Variants in OTOGL observed in about 807,000 individuals in gnomAD.
OTOGL encodes otogelin-like protein.
OTOGL carries 285 observed loss-of-function variants against 318.5 expected under a neutral mutation model. The ratio of observed to expected loss-of-function variants is 0.89; its 90% confidence interval spans 0.81 to 0.99. OTOGL has a LOEUF of 0.99. OTOGL is among the 50% of genes least tolerant of loss of function. OTOGL has a pLI of 0.00. For synonymous variants in OTOGL, 987 were observed against 936.5 expected (o/e 1.05, Z -0.99); for missense variants, 2,899 against 2,845.6 (o/e 1.02, Z -0.43).
chr12:80,101,353 CT>C lies in OTOGL; in HGVS notation c.-20+1750del, dbSNP rs766100162. ...TTTAGTACAAAGAATTTTAAATGCT[CT>C]TAATATTTGAGTGTAAGAATTAAGG... On this transcript the variant is annotated intron_variant, in intron 1 of 58. Transcript: ENST00000547103. Among the ~76,000 whole-genome samples the C allele has an allele frequency of 3.9e-4, 60 of 152,220 alleles. 1 individual carries two copies. The highest frequency in any genetic ancestry group is 6.8e-3 in the Middle Eastern group (2 of 294).
At chr12:80,150,583 G>A (rs1385930505) in intron 1 of OTOGL, among the ~76,000 whole-genome samples, 1 of 149,760 alleles carries the variant, frequency 6.7e-6, no homozygotes, top group African/African-American at 2.6e-5. Flanking sequence ...AAGACCTGCA[G>A]CCTTGTTAGT....
intron 1 of OTOGL, chr12:80,132,037 T>C (rs1871271222): frequency 6.6e-6 from 1 of 152,232 alleles, no homozygotes. Flanking sequence ...GGAATGTACA[T>C]TCTCTGCCCC....
Position 80,379,497 on chromosome 12 carries a change from G to C in OTOGL, c.*1449G>C, listed in dbSNP as rs999846676. The C allele has an allele frequency of 6.6e-6, 1 of 151,742 alleles. No individual in the cohort carries two copies. The highest frequency in any genetic ancestry group is 1.5e-5 in the Non-Finnish European group (1 of 67,846). The allele number at this position is 151,742 out of a possible 1,614,324, so 9.4% of individuals were successfully genotyped here. A position where few individuals can be genotyped will look rare whatever the true frequency, so the allele number is the denominator to read the frequency against. ...GCAAATCCCAGTGTTTACTGTATAT[G>C]CAATTGATTTATCCTGTTTGTGCTT... is the stretch of plus-strand genomic sequence containing the variant. On this transcript the variant is annotated 3_prime_UTR_variant, in exon 59 of 59. Coordinates refer to ENST00000547103, the MANE Select transcript of OTOGL (RefSeq NM_001378609.3).
chr12:80,340,967 A>G (rs1286674548), intron 43 of OTOGL, among the ~76,000 whole-genome samples: 1 of 141,420 alleles, frequency 7.1e-6, no homozygotes, highest in African/African-American at 2.6e-5. Context: ...GTTTAATTGC[A>G]CGTAGTACCC....
At chr12:80,266,414 T>C (rs1290621794) in intron 20 of OTOGL, 37 bp from the exon 21 acceptor site, 1 of 1,606,414 alleles carries the variant, frequency 6.2e-7, no homozygotes, top group South Asian at 1.1e-5. Flanking sequence ...CTATGTGCCA[T>C]GGCAATCTTT....
In OTOGL at chr12:80,366,559, G is replaced by A; in HGVS notation, c.6268-15G>A. 1.0e-6 allele frequency: 1 copy of A among 969,940 alleles called. No homozygotes were observed. Among genetic ancestry groups the A allele is most frequent in the Non-Finnish European group, 1.4e-6 (1 of 729,434 alleles). The allele number at this position is 969,940 out of a possible 1,614,324, so 60.1% of individuals were successfully genotyped here. Reference sequence around the variant, plus strand: ...ATAAGCTAAATGATAAGTAATAGTAGTATATTTTCAATAGGGAGAATTTAC... The same window carrying A: ...ATAAGCTAAATGATAAGTAATAGTAATATATTTTCAATAGGGAGAATTTAC... On this transcript the variant is annotated splice_polypyrimidine_tract_variant and intron_variant, in intron 52 of 58. Coordinates refer to ENST00000547103, the MANE Select transcript of OTOGL (RefSeq NM_001378609.3).
At chr12:80,306,709 G>T (rs987156660) in intron 29 of OTOGL, among the ~76,000 whole-genome samples, 6 of 150,876 alleles carry the variant, frequency 4.0e-5, no homozygotes, top group Middle Eastern at 6.9e-3. Flanking sequence ...GTTACCTTTA[G>T]AAGTTTTGAA....
intron 1 of OTOGL, among the ~76,000 whole-genome samples, chr12:80,121,566 C>T (rs1437008168): frequency 6.6e-6 from 1 of 152,088 alleles, no homozygotes; most frequent in African/African-American, 2.4e-5. Flanking sequence ...TCAACCACCC[C>T]ACGAAACAAA....
In OTOGL at chr12:80,214,737, A is replaced by C. The variant is rs563474229; in HGVS notation, c.168+2740A>C. On this transcript the variant is annotated intron_variant, in intron 4 of 58. Coordinates refer to ENST00000547103, the MANE Select transcript of OTOGL (RefSeq NM_001378609.3). ...AAGAATAGCAGTGCCTGTTATCTAGAAACTCCATCTGTTACGGAGGTAGGC... is the reference window on the plus strand; with the variant it reads ...AAGAATAGCAGTGCCTGTTATCTAGCAACTCCATCTGTTACGGAGGTAGGC... Among the ~76,000 whole-genome samples the C allele has an allele frequency of 4.6e-5, 7 of 152,320 alleles. No individual in the cohort carries two copies. The East Asian group carries it at 1.4e-3, about 29-fold the overall frequency.
intron 1 of OTOGL, among the ~76,000 whole-genome samples, chr12:80,108,706 C>T (rs985981039): frequency 1.3e-5 from 2 of 148,400 alleles, no homozygotes; most frequent in African/African-American, 5.0e-5. Context: ...AAGACGTTCT[C>T]CCCCACCTCC....
intron 1 of OTOGL, among the ~76,000 whole-genome samples, chr12:80,185,257 G>T (rs543650964): frequency 6.6e-6 from 1 of 152,178 alleles, no homozygotes; most frequent in East Asian, 1.9e-4. Context: ...GGCTGCCTGG[G>T]TTATAATGTA....
At chr12:80,365,712 C>A (rs1890486385) in intron 52 of OTOGL, among the ~76,000 whole-genome samples, 1 of 152,072 alleles carries the variant, frequency 6.6e-6, no homozygotes, top group African/African-American at 2.4e-5. Flanking sequence ...CATAAGACTA[C>A]TTTACAACTT....
intron 1 of OTOGL, among the ~76,000 whole-genome samples, chr12:80,123,833 C>T (rs973493135): frequency 2.6e-5 from 4 of 152,118 alleles, no homozygotes; most frequent in Non-Finnish European, 5.9e-5. Flanking sequence ...ACATAAATGT[C>T]TTCTTTTGAG....
Position 80,209,518 on chromosome 12 carries a change from C to T in OTOGL, c.79+8C>T. ...TGCTGTTTTCATTACAAGGTAAGAA[C>T]TCAGATTAAATTTTTATGTTAATTT... On this transcript the variant is annotated splice_region_variant and intron_variant, in intron 2 of 58. Transcript: ENST00000547103. The T allele has an allele frequency of 7.0e-7, 1 of 1,436,398 alleles. No homozygotes were observed. The highest frequency in any genetic ancestry group is 1.4e-5 in the African/African-American group (1 of 70,764). 89.0% of individuals were successfully genotyped at this position (1,436,398 alleles called of 1,614,324 possible).
intron 26 of OTOGL, among the ~76,000 whole-genome samples, chr12:80,290,214 G>T (rs1386196633): frequency 6.6e-6 from 1 of 151,922 alleles, no homozygotes; most frequent in Non-Finnish European, 1.5e-5. Flanking sequence ...CCCTCCTTGG[G>T]CTGCACCCAC....
intron 1 of OTOGL, among the ~76,000 whole-genome samples, chr12:80,207,333 C>T (rs1349358656): frequency 6.6e-6 from 1 of 152,128 alleles, no homozygotes; most frequent in South Asian, 2.1e-4. Context: ...TCCTAAGTAG[C>T]TGGTATTACA....
intron 1 of OTOGL, among the ~76,000 whole-genome samples, chr12:80,108,914 ATG>A (rs1869652612): frequency 8.2e-6 from 1 of 122,442 alleles, no homozygotes; most frequent in East Asian, 2.2e-4. Context: ...GTGTATATAT[ATG>A]TGTATATATA....
chr12:80,191,104 T>A (rs1363756544), intron 1 of OTOGL, among the ~76,000 whole-genome samples: 1 of 152,194 alleles, frequency 6.6e-6, no homozygotes, highest in African/African-American at 2.4e-5. Flanking sequence ...CCTGGCCATA[T>A]GACATCTTCA....
intron 43 of OTOGL, among the ~76,000 whole-genome samples, chr12:80,340,871 T>C (rs1888722847): frequency 6.6e-6 from 1 of 151,976 alleles, no homozygotes; most frequent in African/African-American, 2.4e-5. Context: ...TTACTAGAAA[T>C]TACCTTTCTC....
Sources: allele counts gnomAD v4.1 joint callset (sites outside exome capture counted in the v4.1 genomes callset), GRCh38; gene constraint gnomAD v4.1.1; transcripts MANE v1.5; gene names NCBI Gene and HGNC (gene_info 2026-07-23, HGNC 2026-07-21).